The following TSGA13 variants were observed in gnomAD, a reference collection of about 807,000 sequenced individuals.
TSGA13 encodes the protein testis-specific gene 13 protein.
A neutral mutation model predicts 35.1 loss-of-function variants in TSGA13; 37 were observed. That is an observed-to-expected ratio of 1.05 (90% CI 0.81 to 1.39). TSGA13 has a LOEUF of 1.39. Among genes scored for constraint, TSGA13 ranks in the 40% most tolerant of loss-of-function variants. The pLI, the probability that TSGA13 is intolerant of heterozygous loss-of-function variation, is 0.00. For missense variants in TSGA13, 338 were observed against 328.5 expected (o/e 1.03, Z -0.22); for synonymous variants, 124 against 121.2 (o/e 1.02, Z -0.15).
chr7:130,671,754 TC>T lies in TSGA13; in HGVS notation c.564del (p.Lys189SerfsTer8), dbSNP rs1554463029. The T allele has an allele frequency of 1.2e-6, 2 of 1,602,572 alleles. No homozygotes were observed. The highest frequency in any genetic ancestry group is 1.7e-6 in the Non-Finnish European group (2 of 1,172,630). On this transcript the variant is annotated frameshift_variant, in exon 7 of 8. Transcript: ENST00000356588. LOFTEE classifies it high-confidence loss of function. ...FSTDNDFKSEGKYSKVYALRT... is the reference protein window; with the variant it reads ...FSTDNDFKSEXKYSKVYALRT... ...CTCAAAGCGTAGACTTTTGAATACT[TC>T]CCTTCGCTCTTGAAATCATTGTCAG...
At chr7:130,670,600 T>C (rs1554462809) in intron 7 of TSGA13, among the ~76,000 whole-genome samples, 1 of 152,076 alleles carries the variant, frequency 6.6e-6, no homozygotes. Flanking sequence ...GGCATTGTGG[T>C]ATTTTCGATT....
chr7:130,669,661 C>G (rs180718377), intron 7 of TSGA13, among the ~76,000 whole-genome samples: 7 of 152,350 alleles, frequency 4.6e-5, no homozygotes, highest in Admixed American at 4.6e-4. Flanking sequence ...TAGAGAAATT[C>G]TAACCTAGAT....
At chr7:130,678,527 A>G (rs1269983386) in intron 5 of TSGA13, among the ~76,000 whole-genome samples, 1 of 152,114 alleles carries the variant, frequency 6.6e-6, no homozygotes, top group African/African-American at 2.4e-5. Context: ...CTCATCTTTT[A>G]CTACTTTATT....
chr7:130,676,863 T>A (rs1554464178), intron 5 of TSGA13, among the ~76,000 whole-genome samples: 1 of 152,136 alleles, frequency 6.6e-6, no homozygotes, highest in Admixed American at 6.6e-5. Context: ...GACCCGCTCT[T>A]GAGGCTATCA....
chr7:130,680,461 G>A (rs966436184), intron 4 of TSGA13, among the ~76,000 whole-genome samples: 12 of 149,206 alleles, frequency 8.0e-5, no homozygotes, highest in Admixed American at 1.3e-4. Flanking sequence ...AGCCGAGATC[G>A]CACCACTGCA....
At chr7:130,681,453 C>T (rs1796543105) in intron 3 of TSGA13, among the ~76,000 whole-genome samples, 4 of 152,086 alleles carry the variant, frequency 2.6e-5, no homozygotes, top group Admixed American at 2.6e-4. Flanking sequence ...AGGGCATTAA[C>T]CTAAAAGTTG....
At chr7:130,670,286 A>G (rs1306267561) in intron 7 of TSGA13, among the ~76,000 whole-genome samples, 1 of 152,188 alleles carries the variant, frequency 6.6e-6, no homozygotes, top group Non-Finnish European at 1.5e-5. Flanking sequence ...ATGGTATAAT[A>G]TGACCCCAGG....
At chr7:130,674,504 C>T (rs1796365932) in intron 5 of TSGA13, among the ~76,000 whole-genome samples, 2 of 152,158 alleles carry the variant, frequency 1.3e-5, no homozygotes, top group Non-Finnish European at 2.9e-5. Context: ...AACATTGCCA[C>T]TCACATCCAT....
chr7:130,681,010 T>A lies in TSGA13; in HGVS notation c.110A>T (p.Asp37Val), dbSNP rs1796533236. ...AACAAATTTTGATTGCCCGACTGCA[T>A]CAGAAATCTAAAGAGGATAATCAAA... ...GMVVNSKEIS[D>V]AVGQSKFVLE... is the part of the protein sequence containing the mutation. The change falls in exon 4 of 8, where the codon GAT becomes GTT. Residue 37 changes from aspartate to valine, a missense_variant. Coordinates refer to ENST00000356588, the MANE Select transcript of TSGA13 (RefSeq NM_052933.4). 1 of 1,614,054 alleles carries A rather than the reference T, an allele frequency of 6.2e-7. No individual in the cohort carries two copies. Among genetic ancestry groups the A allele is most frequent in the African/African-American group, 1.3e-5 (1 of 74,918 alleles).
intron 5 of TSGA13, among the ~76,000 whole-genome samples, chr7:130,674,178 T>TTC (rs1213061320): frequency 7.4e-6 from 1 of 134,950 alleles, no homozygotes; most frequent in Non-Finnish European, 1.6e-5. Context: ...TCTTTTTTTT[T>TTC]TTTTTTTTTT....
intron 5 of TSGA13, among the ~76,000 whole-genome samples, chr7:130,675,227 A>G (rs6969737): frequency 0.15 from 22,249 of 150,304 alleles, 3,008 homozygotes; most frequent in African/African-American, 0.36. Flanking sequence ...ATATGTGTGT[A>G]TATATATATA....
intron 5 of TSGA13, among the ~76,000 whole-genome samples, chr7:130,675,801 C>G (rs1466480446): frequency 6.6e-6 from 1 of 152,226 alleles, no homozygotes; most frequent in Non-Finnish European, 1.5e-5. Context: ...CTCAGGGATT[C>G]TGGATGTTGG....
At chr7:130,671,824 G>C in intron 6 of TSGA13, 36 bp from the exon 7 acceptor site, 1 of 1,450,812 alleles carries the variant, frequency 6.9e-7, no homozygotes. Context: ...GTAGATCCTA[G>C]GGCAGGGGGA....
chr7:130,679,673 C>A (rs2116320366), intron 4 of TSGA13, among the ~76,000 whole-genome samples: 1 of 152,212 alleles, frequency 6.6e-6, no homozygotes, highest in Non-Finnish European at 1.5e-5. Flanking sequence ...CCCTGTCCAG[C>A]TGATTTTTGT....
rs1356989718 is a variant in TSGA13, at chr7:130,669,257, A to G, written c.659-74T>C. On this transcript the variant is annotated intron_variant, in intron 7 of 7. Transcript: ENST00000356588. ...TCGAAGGATACTTAATGTGAGATGT[A>G]AAGGAGACGCACTTGGAGGGACCAG... is the stretch of plus-strand genomic sequence containing the variant. The G allele has an allele frequency of 5.7e-6, 9 of 1,591,394 alleles. No homozygotes were observed. In the East Asian group the frequency reaches 2.0e-4, roughly 36 times the overall value.
rs1796159629 is a variant in TSGA13 at position 130,668,690 on chromosome 7, C to G, written c.*324G>C. 4.6e-6 allele frequency: 7 copies of G among 1,527,078 alleles called. No homozygotes were observed. Among genetic ancestry groups the G allele is most frequent in the Non-Finnish European group, 6.1e-6 (7 of 1,138,370 alleles). 94.6% of individuals were successfully genotyped at this position (1,527,078 alleles called of 1,614,324 possible). A position where few individuals can be genotyped will look rare whatever the true frequency, so the allele number is the denominator to read the frequency against. ...TCATCTTGGACGACTTCCCAGCGCC[C>G]AGACCCACCGCAACCGTCCCAGGCG... On this transcript the variant is annotated 3_prime_UTR_variant, in exon 8 of 8. Coordinates refer to ENST00000356588, the MANE Select transcript of TSGA13 (RefSeq NM_052933.4).
Position 130,685,235 on chromosome 7 carries a change from C to G in TSGA13, c.-25G>C. On this transcript the variant is annotated 5_prime_UTR_variant, in exon 2 of 8. Coordinates refer to ENST00000356588, the MANE Select transcript of TSGA13 (RefSeq NM_052933.4). ...TTGCTGTTGACTGCTAGTTGGCCAACCCAAGGCAGGTATTCACCCAAGGCC... is the reference window on the plus strand; with the variant it reads ...TTGCTGTTGACTGCTAGTTGGCCAAGCCAAGGCAGGTATTCACCCAAGGCC... 6.2e-7 allele frequency: 1 copy of G among 1,612,598 alleles called. No individual in the cohort carries two copies.
chr7:130,672,805 T>A lies in TSGA13; in HGVS notation c.459A>T (p.Arg153Ser). 6.2e-7 allele frequency: 1 copy of A among 1,614,114 alleles called. No homozygotes were observed. Among genetic ancestry groups the A allele is most frequent in the East Asian group, 2.2e-5 (1 of 44,868 alleles). ...LPRMPQKKKL[R>S]SKLKPIFPLI... Reference sequence around the variant, plus strand: ...AAGGGAAGATTGGTTTCAGCTTAGATCTTAACTTTTTTTTCTGAGGCATGC... The same window carrying A: ...AAGGGAAGATTGGTTTCAGCTTAGAACTTAACTTTTTTTTCTGAGGCATGC... Residue 153 changes from arginine (R) to serine (S), a missense_variant, in exon 6 of 8, where the codon AGA becomes AGT. Coordinates refer to ENST00000356588, the MANE Select transcript of TSGA13 (RefSeq NM_052933.4).
At position 130,685,186 on chromosome 7, in the gene TSGA13, A is replaced by G; in HGVS notation, c.23+2T>C. The G allele has an allele frequency of 1.9e-6, 3 of 1,613,262 alleles. 1 individual carries two copies. In the South Asian group the frequency reaches 3.3e-5, roughly 18 times the overall value. ...CTTAGTTGGGCAAACAAGACTACAT[A>G]CTTGGTTTGTCTCTTTTGGCTCATT... is the stretch of plus-strand genomic sequence containing the variant. On this transcript the variant is annotated splice_donor_variant, in intron 2 of 7. Transcript: ENST00000356588. LOFTEE classifies it high-confidence loss of function.
Sources: gnomAD v4.1 joint callset for allele counts (sites outside exome capture counted in the v4.1 genomes callset) on GRCh38, gnomAD v4.1.1 for gene constraint, MANE v1.5 for transcripts, NCBI Gene and HGNC (gene_info 2026-07-23, HGNC 2026-07-21) for gene names.